Variants in GRIN2B observed in about 807,000 individuals in gnomAD.
GRIN2B encodes glutamate receptor ionotropic, NMDA 2B.
In GRIN2B, 5 loss-of-function variants were observed where a neutral mutation model predicts 114.5. That is an observed-to-expected ratio of 0.04 (90% CI 0.02 to 0.09). The LOEUF is 0.09. GRIN2B is among the 10% of genes least tolerant of loss of function. The probability of loss-of-function intolerance (pLI) is 1.00; values close to 1 mark genes in which losing one functional copy is unlikely to be tolerated. For missense variants in GRIN2B, 1,108 were observed against 1,943.5 expected (o/e 0.57, Z 8.08); for synonymous variants, 787 against 745.1 (o/e 1.06, Z -0.92).
At chr12:13,579,012 G>A (rs2136424282) in intron 10 of GRIN2B, among the ~76,000 whole-genome samples, 1 of 152,208 alleles carries the variant, frequency 6.6e-6, no homozygotes, top group East Asian at 1.9e-4. Context: ...TGCCCATGCA[G>A]CAGTGAGAGA....
chr12:13,929,208 C>A (rs1014190765), intron 2 of GRIN2B, among the ~76,000 whole-genome samples: 10 of 152,054 alleles, frequency 6.6e-5, no homozygotes, highest in African/African-American at 2.2e-4. Context: ...TAAAAAGATA[C>A]CTAAATGGGA....
At chr12:13,749,940 G>A (rs1773475331) in intron 4 of GRIN2B, among the ~76,000 whole-genome samples, 1 of 152,162 alleles carries the variant, frequency 6.6e-6, no homozygotes, top group African/African-American at 2.4e-5. Flanking sequence ...AAAGACAATG[G>A]AGATAAGGGA....
At chr12:13,665,116 TC>T (rs1949960591) in intron 5 of GRIN2B, among the ~76,000 whole-genome samples, 1 of 151,288 alleles carries the variant, frequency 6.6e-6, no homozygotes, top group Non-Finnish European at 1.5e-5. Context: ...GGTTCTGAGT[TC>T]CTAACTGAAA....
chr12:13,547,981 A>ATATATATATATATT lies in GRIN2B; in HGVS notation c.*14801_*14802insAATATATATATATA. On this transcript the variant is annotated 3_prime_UTR_variant, in exon 14 of 14. Transcript: ENST00000609686. ...TGTGTATATATATATATATATATAT[A>ATATATATATATATT]TTTTTTTTTTTTTTCTGAAAGCTAC... 1.6e-4 allele frequency: 11 copies of ATATATATATATATT among 68,568 alleles called. No homozygotes were observed. Among genetic ancestry groups the ATATATATATATATT allele is most frequent in the East Asian group, 1.1e-3 (2 of 1,742 alleles). The allele number at this position is 68,568 out of a possible 1,614,324, so 4.2% of individuals were successfully genotyped here. A position where few individuals can be genotyped will look rare whatever the true frequency, so the allele number is the denominator to read the frequency against.
intron 3 of GRIN2B, among the ~76,000 whole-genome samples, chr12:13,842,544 C>G (rs963560347): frequency 6.6e-6 from 1 of 152,204 alleles, no homozygotes; most frequent in Non-Finnish European, 1.5e-5. Context: ...GCATGTTCAT[C>G]TATTTCTCCA....
intron 5 of GRIN2B, among the ~76,000 whole-genome samples, chr12:13,626,572 ATATG>A (rs1949569169): frequency 6.6e-6 from 1 of 152,132 alleles, no homozygotes; most frequent in African/African-American, 2.4e-5. Context: ...ACTCAGGCAA[ATATG>A]TATGTATGTG....
At chr12:13,574,621 T>C (rs1464603922) in intron 10 of GRIN2B, among the ~76,000 whole-genome samples, 2 of 152,272 alleles carry the variant, frequency 1.3e-5, no homozygotes, top group Non-Finnish European at 2.9e-5. Context: ...CCAGAGGGCC[T>C]CACTTCCTGA....
At chr12:13,688,382 AAC>A (rs1473933762) in intron 4 of GRIN2B, among the ~76,000 whole-genome samples, 1 of 152,196 alleles carries the variant, frequency 6.6e-6, no homozygotes, top group Non-Finnish European at 1.5e-5. Context: ...AAGTCAACTA[AAC>A]ACACAGGCTT....
intron 2 of GRIN2B, among the ~76,000 whole-genome samples, chr12:13,960,153 G>T (rs1260350027): frequency 6.6e-6 from 1 of 152,082 alleles, no homozygotes; most frequent in Non-Finnish European, 1.5e-5. Context: ...AAAACTGTCT[G>T]CAGACATTGG....
At chr12:13,921,045 A>T (rs1167420917) in intron 2 of GRIN2B, among the ~76,000 whole-genome samples, 2 of 152,186 alleles carry the variant, frequency 1.3e-5, no homozygotes, top group African/African-American at 4.8e-5. Flanking sequence ...TAATTTTGGA[A>T]ATTTATTTTT....
At chr12:13,744,087 G>A (rs773590776) in intron 4 of GRIN2B, among the ~76,000 whole-genome samples, 9 of 152,054 alleles carry the variant, frequency 5.9e-5, no homozygotes, top group South Asian at 4.2e-4. Flanking sequence ...TCCCTCCTTC[G>A]CCCAAACAAT....
At chr12:13,841,381 A>G (rs1272689205) in intron 3 of GRIN2B, among the ~76,000 whole-genome samples, 3 of 152,192 alleles carry the variant, frequency 2.0e-5, no homozygotes, top group Non-Finnish European at 4.4e-5. Context: ...TTATTGATGA[A>G]TATGTCACAC....
intron 2 of GRIN2B, among the ~76,000 whole-genome samples, chr12:13,874,469 C>T (rs150661258): frequency 1.8e-4 from 28 of 152,310 alleles, no homozygotes; most frequent in African/African-American, 5.3e-4. Flanking sequence ...CAAACACTCA[C>T]GGGTTTTTCT....
At chr12:13,724,009 C>A (rs927433676) in intron 4 of GRIN2B, among the ~76,000 whole-genome samples, 2 of 152,082 alleles carry the variant, frequency 1.3e-5, no homozygotes. Context: ...TGGAGACCCA[C>A]GTGGTACACT....
intron 5 of GRIN2B, among the ~76,000 whole-genome samples, chr12:13,626,516 G>A (rs923102768): frequency 2.6e-5 from 4 of 152,054 alleles, no homozygotes; most frequent in Admixed American, 6.5e-5. Context: ...ATTCTGAACT[G>A]TGACTCTCTG....
rs1428419292 is a variant in GRIN2B, at chr12:13,571,872, T to C, written c.2103A>G (p.Glu701=). ...TGAACTTTCCCATGTAGGCATGCATTTCTGCATAGTTATTGCGAATATTTC... is the reference window on the plus strand; with the variant it reads ...TGAACTTTCCCATGTAGGCATGCATCTCTGCATAGTTATTGCGAATATTTC... ...TERNIRNNYA[E]MHAYMGKFNQ... Residue 701 remains glutamate, a synonymous_variant, in exon 11 of 14, where the codon GAA becomes GAG. Transcript: ENST00000609686. 24 of 1,613,950 alleles carry C rather than the reference T, an allele frequency of 1.5e-5. No individual in the cohort carries two copies. The highest frequency in any genetic ancestry group is 2.7e-5 in the African/African-American group (2 of 74,928).
chr12:13,945,074 T>C (rs1171742484), intron 2 of GRIN2B, among the ~76,000 whole-genome samples: 1 of 152,178 alleles, frequency 6.6e-6, no homozygotes, highest in Non-Finnish European at 1.5e-5. Flanking sequence ...GATGTGCTTT[T>C]TAAGAATAGA....
chr12:13,866,365 T>C (rs1356859464), intron 2 of GRIN2B, 139 bp from the exon 3 acceptor site: 2 of 738,360 alleles, frequency 2.7e-6, no homozygotes, highest in Admixed American at 2.1e-5. Flanking sequence ...CAGCCTACTC[T>C]CTTATCTCTG....
chr12:13,652,393 C>T (rs756284111), intron 5 of GRIN2B, among the ~76,000 whole-genome samples: 10 of 151,580 alleles, frequency 6.6e-5, no homozygotes, highest in South Asian at 2.1e-4. Flanking sequence ...TAATGGAGGC[C>T]GCAGAGAAGT....
Sources: allele counts gnomAD v4.1 joint callset (sites outside exome capture counted in the v4.1 genomes callset), GRCh38; gene constraint gnomAD v4.1.1; transcripts MANE v1.5; gene names NCBI Gene and HGNC (gene_info 2026-07-23, HGNC 2026-07-21).